MRAP2: variants seen among roughly 807,000 people sequenced by gnomAD.
MRAP2 encodes melanocortin 2 receptor accessory protein 2, also known as melanocortin-2 receptor accessory protein 2.
Under a neutral mutation model 17.4 loss-of-function variants are expected in MRAP2, and 20 were observed. The observed-to-expected ratio is 1.15, with a 90% CI of 0.81 to 1.67. MRAP2 has a LOEUF of 1.67. MRAP2 is among the 40% of genes most tolerant of loss of function. MRAP2 has a pLI of 0.00. For synonymous variants in MRAP2, 96 were observed against 88.4 expected (o/e 1.09, Z -0.48); for missense variants, 238 against 240.0 (o/e 0.99, Z 0.05).
At chr6:84,062,181 C>G in intron 2 of MRAP2, 1 of 874,566 alleles carries the variant, frequency 1.1e-6, no homozygotes, top group Non-Finnish European at 1.4e-6. Flanking sequence ...TAGGTATGAG[C>G]TGTGACCTAG....
chr6:84,066,782 T>G (rs2099494816), intron 3 of MRAP2, among the ~76,000 whole-genome samples: 1 of 152,204 alleles, frequency 6.6e-6, no homozygotes, highest in Admixed American at 6.5e-5. Context: ...TAAAGTCTCT[T>G]CGGTGCTGAA....
the MRAP2 span, among the ~76,000 whole-genome samples, chr6:84,116,933 C>T: frequency 0.25 from 38,127 of 152,046 alleles, 10,693 homozygotes; most frequent in African/African-American, 0.7. Flanking sequence ...ATCAAGGATA[C>T]TGGCTTGCCG....
intron 3 of MRAP2, among the ~76,000 whole-genome samples, chr6:84,072,801 C>G (rs1336709547): frequency 6.6e-6 from 1 of 151,978 alleles, no homozygotes; most frequent in Non-Finnish European, 1.5e-5. Flanking sequence ...GAGTTGTGTA[C>G]CTAGGAGGAT....
intron 2 of MRAP2, among the ~76,000 whole-genome samples, chr6:84,060,762 T>G (rs1164445369): frequency 6.6e-6 from 1 of 151,698 alleles, no homozygotes; most frequent in South Asian, 2.1e-4. Context: ...CTTGGCTCAC[T>G]GCAAGCTCCA....
chr6:84,049,352 G>A (rs184050290), intron 1 of MRAP2, among the ~76,000 whole-genome samples: 173 of 152,178 alleles, frequency 1.1e-3, no homozygotes, highest in South Asian at 3.9e-3. Context: ...TTGAACCCAG[G>A]AGGCGGAGGT....
intron 1 of MRAP2, among the ~76,000 whole-genome samples, chr6:84,051,321 C>G (rs570144810): frequency 1.1e-4 from 17 of 152,304 alleles, no homozygotes; most frequent in African/African-American, 3.8e-4. Flanking sequence ...TTTAGAAGGC[C>G]CAGGCAGGCA....
the MRAP2 span, among the ~76,000 whole-genome samples, chr6:84,105,940 G>C: frequency 6.6e-6 from 1 of 152,110 alleles, no homozygotes; most frequent in Non-Finnish European, 1.5e-5. Context: ...GTAATGTGGA[G>C]TGGTGCCATT....
chr6:84,128,746 G>T, the MRAP2 span, among the ~76,000 whole-genome samples: 1 of 151,928 alleles, frequency 6.6e-6, no homozygotes, highest in Non-Finnish European at 1.5e-5. Context: ...AGAACGTGCA[G>T]GTTTGTTACA....
chr6:84,084,250 A>G (rs1298999937), intron 3 of MRAP2, among the ~76,000 whole-genome samples: 1 of 152,116 alleles, frequency 6.6e-6, no homozygotes, highest in African/African-American at 2.4e-5. Context: ...TTGCTTGACT[A>G]GTCAATGTGG....
At chr6:84,121,764 A>G in the MRAP2 span, among the ~76,000 whole-genome samples, 1 of 152,204 alleles carries the variant, frequency 6.6e-6, no homozygotes, top group Non-Finnish European at 1.5e-5. Context: ...ATGAAAATAG[A>G]GACATAACAT....
chr6:84,098,112 C>G, the MRAP2 span, among the ~76,000 whole-genome samples: 8 of 152,086 alleles, frequency 5.3e-5, no homozygotes, highest in African/African-American at 1.9e-4. Context: ...TATAATCCCT[C>G]CCTCCCATCC....
intron 1 of MRAP2, among the ~76,000 whole-genome samples, chr6:84,038,309 G>A (rs1430026922): frequency 2.6e-5 from 4 of 152,198 alleles, no homozygotes; most frequent in Non-Finnish European, 1.5e-5. Flanking sequence ...AAACTAGCTA[G>A]CAGTTGAGTG....
intron 3 of MRAP2, among the ~76,000 whole-genome samples, chr6:84,079,931 T>A (rs549487586): frequency 6.6e-6 from 1 of 152,206 alleles, no homozygotes; most frequent in African/African-American, 2.4e-5. Context: ...AGATTATGGC[T>A]TTTGCAGAGT....
intron 3 of MRAP2, among the ~76,000 whole-genome samples, chr6:84,086,511 C>T (rs1259783192): frequency 3.9e-5 from 6 of 152,188 alleles, no homozygotes. Flanking sequence ...ACTTTCACAA[C>T]ATACAGGTCC....
the MRAP2 span, among the ~76,000 whole-genome samples, chr6:84,114,896 C>T: frequency 1.3e-5 from 2 of 152,146 alleles, no homozygotes; most frequent in Admixed American, 6.5e-5. Flanking sequence ...TGGGTATCAC[C>T]AGCAGAAGCT....
the MRAP2 span, among the ~76,000 whole-genome samples, chr6:84,107,413 T>A: frequency 6.6e-6 from 1 of 152,264 alleles, no homozygotes; most frequent in Admixed American, 6.5e-5. Flanking sequence ...GACCCAGAAT[T>A]TTAGTTGATT....
At chr6:84,110,210 T>A in the MRAP2 span, among the ~76,000 whole-genome samples, 1 of 152,164 alleles carries the variant, frequency 6.6e-6, no homozygotes, top group East Asian at 1.9e-4. Flanking sequence ...CCACCAACAA[T>A]GTAAAAGTGT....
intron 3 of MRAP2, among the ~76,000 whole-genome samples, chr6:84,080,903 CT>C (rs2099498798): frequency 6.6e-6 from 1 of 152,102 alleles, no homozygotes; most frequent in African/African-American, 2.4e-5. Flanking sequence ...GACCTGTTTT[CT>C]TATTTTGTAT....
the MRAP2 span, among the ~76,000 whole-genome samples, chr6:84,103,821 C>T: frequency 6.6e-6 from 1 of 152,124 alleles, no homozygotes; most frequent in Non-Finnish European, 1.5e-5. Flanking sequence ...GTGCAGGGTA[C>T]GCTTTACTGA....
Sources: gnomAD v4.1 joint callset for allele counts (sites outside exome capture counted in the v4.1 genomes callset) on GRCh38, gnomAD v4.1.1 for gene constraint, MANE v1.5 for transcripts, NCBI Gene and HGNC (gene_info 2026-07-23, HGNC 2026-07-21) for gene names.